The following LRP1B variants were observed in gnomAD, a reference collection of about 807,000 sequenced individuals.
LRP1B encodes LDL receptor related protein 1B, also known as low-density lipoprotein receptor-related protein 1B.
Under a neutral mutation model 556.6 loss-of-function variants are expected in LRP1B, and 217 were observed. The ratio of observed to expected loss-of-function variants is 0.39; its 90% CI spans 0.35 to 0.44. The LOEUF is 0.44. LRP1B is among the 20% of genes least tolerant of loss of function. LRP1B has a pLI of 1.00. For synonymous variants in LRP1B, 2,047 were observed against 1,865.8 expected (o/e 1.10, Z -2.50); for missense variants, 5,053 against 5,620.8 (o/e 0.90, Z 3.23).
chr2:141,836,297 T>G (rs969399584), intron 1 of LRP1B, among the ~76,000 whole-genome samples: 3 of 152,056 alleles, frequency 2.0e-5, no homozygotes, highest in African/African-American at 7.2e-5. Context: ...AAAATTCAAG[T>G]GTCAACCTAT....
At chr2:140,596,435 C>A (rs899487510) in intron 43 of LRP1B, among the ~76,000 whole-genome samples, 3 of 152,134 alleles carry the variant, frequency 2.0e-5, no homozygotes, top group Non-Finnish European at 4.4e-5. Context: ...AAATGTGTAT[C>A]AAAGTAATGT....
intron 84 of LRP1B, among the ~76,000 whole-genome samples, chr2:140,276,762 T>C (rs1682688787): frequency 6.6e-6 from 1 of 151,956 alleles, no homozygotes; most frequent in South Asian, 2.1e-4. Context: ...TTTTTTACTA[T>C]GTCATTATTC....
Position 140,385,891 on chromosome 2 carries a change from A to C in LRP1B, c.10531+2T>G, listed in dbSNP as rs1016137248. 1 of 1,586,940 alleles carries C rather than the reference A, an allele frequency of 6.3e-7. No homozygotes were observed. The highest frequency in any genetic ancestry group is 8.7e-7 in the Non-Finnish European group (1 of 1,155,510). ...AAACATTATTAGGCAAGAGTTACTT[A>C]CTACAGTTTTCTTCATCTGAATTAT... On this transcript the variant is annotated splice_donor_variant, in intron 67 of 90. Transcript: ENST00000389484. LOFTEE classifies it high-confidence loss of function.
At chr2:140,702,319 A>C (rs373131631) in intron 38 of LRP1B, 27 bp from the exon 39 acceptor site, 1 of 1,611,484 alleles carries the variant, frequency 6.2e-7, no homozygotes, top group South Asian at 1.1e-5. Context: ...AAGTAACGTT[A>C]CAGACTATAT....
chr2:141,028,678 T>C (rs962850044), intron 11 of LRP1B, among the ~76,000 whole-genome samples: 58 of 152,218 alleles, frequency 3.8e-4, no homozygotes, highest in African/African-American at 1.4e-3. Context: ...AAATCATCAT[T>C]CTTTAATGAT....
rs542979764 is a variant in LRP1B, at chr2:141,174,670, T to C, written c.1013+13751A>G. Among the ~76,000 whole-genome samples the C allele has an allele frequency of 7.2e-5, 11 of 152,202 alleles. No homozygotes were observed. The East Asian group carries it at 2.1e-3, about 30-fold the overall frequency. On this transcript the variant is annotated intron_variant, in intron 7 of 90. Coordinates refer to ENST00000389484, the MANE Select transcript of LRP1B (RefSeq NM_018557.3). ...GCTTTATCAATTATCCAGGCTTAGG[T>C]AGTTCCTCATAGCAGTGTGAGAGTG...
Position 141,913,442 on chromosome 2 carries a change from C to A in LRP1B, c.83-103041G>T, listed in dbSNP as rs569250139. Among the ~76,000 whole-genome samples the A allele has an allele frequency of 3.3e-5, 5 of 152,158 alleles. No homozygotes were observed. In the East Asian group the frequency reaches 7.7e-4, roughly 24 times the overall value. The stretch of plus-strand genomic sequence containing the variant: ...CCTTCCCACTCTCCATTACACTATG[C>A]GGCTGAAAAAATGGTGAGTTTGGGC... On this transcript the variant is annotated intron_variant, in intron 1 of 90. Coordinates refer to ENST00000389484, the MANE Select transcript of LRP1B (RefSeq NM_018557.3).
At chr2:141,493,991 C>A (rs1163334665) in intron 2 of LRP1B, among the ~76,000 whole-genome samples, 2 of 152,112 alleles carry the variant, frequency 1.3e-5, no homozygotes, top group Admixed American at 1.3e-4. Context: ...ACCACAAAAC[C>A]CTTCCTTTAA....
At chr2:140,522,772 T>A (rs950044599) in intron 49 of LRP1B, among the ~76,000 whole-genome samples, 15 of 151,860 alleles carry the variant, frequency 9.9e-5, no homozygotes, top group African/African-American at 3.4e-4. Context: ...GAAACTATTG[T>A]GAACATACTC....
chr2:140,611,050 A>G (rs1683055787), intron 41 of LRP1B, among the ~76,000 whole-genome samples: 1 of 152,226 alleles, frequency 6.6e-6, no homozygotes, highest in South Asian at 2.1e-4. Flanking sequence ...ACATTGCTCT[A>G]CACAAAGCTA....
At chr2:141,701,676 ATTAATT>A (rs1691944045) in intron 2 of LRP1B, among the ~76,000 whole-genome samples, 1 of 151,866 alleles carries the variant, frequency 6.6e-6, no homozygotes, top group African/African-American at 2.4e-5. Flanking sequence ...AATAAATGAT[ATTAATT>A]TTATTTTCAA....
chr2:140,464,060 G>T lies in LRP1B; in HGVS notation c.9626-6409C>A, dbSNP rs1046394657. On this transcript the variant is annotated intron_variant, in intron 60 of 90. Coordinates refer to ENST00000389484, the MANE Select transcript of LRP1B (RefSeq NM_018557.3). ...AAAATACAAAAATTAGCCAGGCGTG[G>T]TGGTGCATGCCTGTAGTCCCAGCTA... Among the ~76,000 whole-genome samples, 5 of 152,046 alleles carry T rather than the reference G, an allele frequency of 3.3e-5. No homozygotes were observed. The South Asian group carries it at 6.2e-4, about 19-fold the overall frequency.
chr2:141,952,024 C>T (rs986187064), intron 1 of LRP1B, among the ~76,000 whole-genome samples: 8 of 136,510 alleles, frequency 5.9e-5, no homozygotes, highest in Admixed American at 3.1e-4. Flanking sequence ...CGACAGGCCC[C>T]GGTGTGTGAT....
chr2:141,226,242 G>A (rs1452887847), intron 6 of LRP1B, among the ~76,000 whole-genome samples: 1 of 151,862 alleles, frequency 6.6e-6, no homozygotes, highest in Non-Finnish European at 1.5e-5. Context: ...AAAAAAACAG[G>A]GCTTAGATGT....
intron 23 of LRP1B, among the ~76,000 whole-genome samples, chr2:140,891,452 A>G (rs2105202334): frequency 6.6e-6 from 1 of 152,282 alleles, no homozygotes; most frequent in Middle Eastern, 3.4e-3. Flanking sequence ...ATAATCAAAC[A>G]AAAAGTGATA....
At chr2:140,731,797 GCAA>G (rs1436681484) in intron 35 of LRP1B, among the ~76,000 whole-genome samples, 1 of 141,864 alleles carries the variant, frequency 7.0e-6, no homozygotes, top group Non-Finnish European at 1.5e-5. Context: ...AAAAGAAGCA[GCAA>G]CAATAGGCAT....
intron 57 of LRP1B, among the ~76,000 whole-genome samples, chr2:140,489,085 G>C (rs1688594950): frequency 6.6e-6 from 1 of 151,954 alleles, no homozygotes; most frequent in African/African-American, 2.4e-5. Context: ...TCAAGACTAA[G>C]GGTGTCCTAT....
In LRP1B at chr2:140,776,171, T is replaced by A; in HGVS notation, c.5427A>T (p.Arg1809Ser). Residue 1809 changes from arginine (R) to serine (S), a missense_variant, in exon 33 of 91, where the codon AGA becomes AGT. By Grantham distance (110) the Arg-to-Ser change is moderately radical. Coordinates refer to ENST00000389484, the MANE Select transcript of LRP1B (RefSeq NM_018557.3). ...QLGTCSKRDG[R>S]NPTILRNKTS... ...TCTTATTCCGTAGGATGGTGGGGTT[T>A]CTTCCGTCTCTTTTGCTGCAGGTTC... is the stretch of plus-strand genomic sequence containing the variant. 1 of 1,601,388 alleles carries A rather than the reference T, an allele frequency of 6.2e-7. No homozygotes were observed. The highest frequency in any genetic ancestry group is 8.5e-7 in the Non-Finnish European group (1 of 1,174,534).
intron 1 of LRP1B, among the ~76,000 whole-genome samples, chr2:141,890,373 A>ATGTATT (rs777143469): frequency 2.5e-4 from 15 of 59,258 alleles, no homozygotes; most frequent in South Asian, 4.9e-4. Flanking sequence ...ATATATATAT[A>ATGTATT]GTGTGTATAC....
Sources: gnomAD v4.1 joint callset for allele counts (sites outside exome capture counted in the v4.1 genomes callset) on GRCh38, gnomAD v4.1.1 for gene constraint, MANE v1.5 for transcripts, NCBI Gene and HGNC (gene_info 2026-07-23, HGNC 2026-07-21) for gene names.